The following SNCAIP variants were observed in gnomAD, a reference collection of about 807,000 sequenced individuals.
SNCAIP encodes synuclein alpha interacting protein, also known as synphilin-1.
A neutral mutation model predicts 86.7 loss-of-function variants in SNCAIP; 43 were observed. That is an observed-to-expected ratio of 0.50 (90% CI 0.39 to 0.64). The LOEUF (loss-of-function observed/expected upper bound fraction) is 0.64, where lower values mean the gene tolerates loss of function less well. Among genes scored for constraint, SNCAIP ranks in the 30% least tolerant of loss-of-function variants. The pLI, the probability that SNCAIP is intolerant of heterozygous loss-of-function variation, is 0.00. For synonymous variants in SNCAIP, 417 were observed against 427.2 expected, an observed-to-expected ratio of 0.98 and a Z score of 0.29; for missense variants, 981 against 1,103.1, an observed-to-expected ratio of 0.89 and a Z score of 1.57.
intron 1 of SNCAIP, among the ~76,000 whole-genome samples, chr5:122,319,221 T>C (rs763222648): frequency 3.3e-5 from 5 of 151,536 alleles, no homozygotes; most frequent in Admixed American, 6.6e-5. Context: ...TCTTTGGTCA[T>C]CAATCCTATA....
At chr5:122,408,414 G>A (rs1023053672) in intron 3 of SNCAIP, among the ~76,000 whole-genome samples, 1 of 152,242 alleles carries the variant, frequency 6.6e-6, no homozygotes, top group African/African-American at 2.4e-5. Context: ...TGCGGCTTTA[G>A]TGGTGGGCTC....
chr5:122,378,460 G>T lies in SNCAIP; in HGVS notation c.-46-12629G>T, dbSNP rs1197427487. Among the ~76,000 whole-genome samples, 2 of 139,994 alleles carry T rather than the reference G, an allele frequency of 1.4e-5. 1 individual carries two copies. Among genetic ancestry groups the T allele is most frequent in the East Asian group, 4.4e-4 (2 of 4,570 alleles). The allele number at this position is 139,994 out of a possible 152,430, so 91.8% of individuals were successfully genotyped here. A position where few individuals can be genotyped will look rare whatever the true frequency, so the allele number is the denominator to read the frequency against. Reference sequence around the variant, plus strand: ...TATTAGCCCTTTGTCAGATGAGTAGGTTGTGAAAATTTTCTCTCATTTTGT... The same window carrying T: ...TATTAGCCCTTTGTCAGATGAGTAGTTTGTGAAAATTTTCTCTCATTTTGT... On this transcript the variant is annotated intron_variant, in intron 1 of 10. Transcript: ENST00000261368.
chr5:122,314,856 G>A (rs1202919685), intron 1 of SNCAIP, among the ~76,000 whole-genome samples: 1 of 152,166 alleles, frequency 6.6e-6, no homozygotes, highest in Non-Finnish European at 1.5e-5. Context: ...TAGTTATCGT[G>A]CATTTACTTT....
chr5:122,415,377 T>C (rs1775092284), intron 3 of SNCAIP, among the ~76,000 whole-genome samples: 1 of 152,202 alleles, frequency 6.6e-6, no homozygotes, highest in Admixed American at 6.5e-5. Context: ...TTTCACAGAC[T>C]CACCACTTTG....
At chr5:122,456,426 G>T (rs543079644) in intron 10 of SNCAIP, among the ~76,000 whole-genome samples, 2 of 152,196 alleles carry the variant, frequency 1.3e-5, no homozygotes, top group South Asian at 4.2e-4. Flanking sequence ...AGAGTTTAGG[G>T]TATCATTCCC....
chr5:122,420,575 G>GTATA (rs5870999), intron 3 of SNCAIP, among the ~76,000 whole-genome samples: 31,720 of 147,162 alleles, frequency 0.22, 3,424 homozygotes, highest in Middle Eastern at 0.38. Flanking sequence ...ATGTCTATGA[G>GTATA]TATATATATA....
At chr5:122,462,261 C>T (rs1786540377) in intron 10 of SNCAIP, among the ~76,000 whole-genome samples, 1 of 152,106 alleles carries the variant, frequency 6.6e-6, no homozygotes, top group African/African-American at 2.4e-5. Flanking sequence ...TTTGCTTTTT[C>T]TCCTCTGCTA....
At chr5:122,371,293 C>T (rs1764209619) in intron 1 of SNCAIP, 1 of 146,572 alleles carries the variant, frequency 6.8e-6, no homozygotes, top group Non-Finnish European at 1.5e-5. Context: ...GGTAACAGAG[C>T]AAGACCTTAT....
At chr5:122,411,946 C>T (rs990498913) in intron 3 of SNCAIP, among the ~76,000 whole-genome samples, 10 of 152,100 alleles carry the variant, frequency 6.6e-5, no homozygotes, top group Admixed American at 6.5e-4. Flanking sequence ...CAAAACCAGG[C>T]AATGGTTTCC....
intron 1 of SNCAIP, among the ~76,000 whole-genome samples, chr5:122,314,892 A>G (rs977864824): frequency 2.6e-5 from 4 of 152,228 alleles, no homozygotes; most frequent in Non-Finnish European, 5.9e-5. Context: ...ACAGCAATTT[A>G]AAATCCATAG....
intron 4 of SNCAIP, among the ~76,000 whole-genome samples, chr5:122,425,021 A>G (rs1291711252): frequency 1.3e-5 from 2 of 152,226 alleles, no homozygotes; most frequent in Admixed American, 6.5e-5. Flanking sequence ...GCCCTCAAGG[A>G]CTTCACAATC....
At chr5:122,351,041 T>G (rs964378194) in intron 1 of SNCAIP, among the ~76,000 whole-genome samples, 3 of 152,198 alleles carry the variant, frequency 2.0e-5, no homozygotes, top group African/African-American at 7.2e-5. Flanking sequence ...ATGACCCAGA[T>G]CTCATATTAC....
intron 3 of SNCAIP, 86 bp downstream of exon 3, chr5:122,403,951 C>G (rs533451226): frequency 1.5e-5 from 15 of 983,602 alleles, no homozygotes; most frequent in East Asian, 2.4e-5. Flanking sequence ...ACTGGTCCCC[C>G]CTGCTTTCAG....
chr5:122,342,206 G>A (rs1757733968), intron 1 of SNCAIP, among the ~76,000 whole-genome samples: 2 of 151,950 alleles, frequency 1.3e-5, no homozygotes, highest in Non-Finnish European at 2.9e-5. Context: ...TCTCCTCAAT[G>A]GCCTATTCAC....
At chr5:122,376,530 T>C (rs1254109199) in intron 1 of SNCAIP, among the ~76,000 whole-genome samples, 2 of 152,154 alleles carry the variant, frequency 1.3e-5, no homozygotes, top group Non-Finnish European at 2.9e-5. Context: ...TTGAAATGTT[T>C]TCTTTTTCTT....
chr5:122,363,600 G>A (rs1762600802), intron 1 of SNCAIP, among the ~76,000 whole-genome samples: 2 of 151,564 alleles, frequency 1.3e-5, no homozygotes, highest in African/African-American at 4.8e-5. Context: ...GATCCAACAT[G>A]ATTTAAGAAT....
At chr5:122,404,718 A>C (rs1014925075) in intron 3 of SNCAIP, among the ~76,000 whole-genome samples, 88 of 152,366 alleles carry the variant, frequency 5.8e-4, no homozygotes, top group African/African-American at 2.1e-3. Context: ...GTGTTTAAAA[A>C]TAAATAGATG....
At chr5:122,355,563 G>A (rs982525403) in intron 1 of SNCAIP, among the ~76,000 whole-genome samples, 23 of 152,154 alleles carry the variant, frequency 1.5e-4, no homozygotes, top group Non-Finnish European at 3.1e-4. Flanking sequence ...GTTTCCTCTC[G>A]TTGTCTTTGA....
At chr5:122,360,853 A>G (rs1041143903) in intron 1 of SNCAIP, among the ~76,000 whole-genome samples, 4 of 152,186 alleles carry the variant, frequency 2.6e-5, no homozygotes, top group African/African-American at 9.6e-5. Flanking sequence ...CATAAGAAAA[A>G]GTATAATTAT....
Sources: allele counts gnomAD v4.1 joint callset (sites outside exome capture counted in the v4.1 genomes callset), GRCh38; gene constraint gnomAD v4.1.1; transcripts MANE v1.5; gene names NCBI Gene and HGNC (gene_info 2026-07-23, HGNC 2026-07-21).